PTPRM: variants seen among roughly 807,000 people sequenced by gnomAD.
The protein encoded by PTPRM is receptor-type tyrosine-protein phosphatase mu.
PTPRM carries 47 observed loss-of-function variants against 186.7 expected under a neutral mutation model. The ratio of observed to expected loss-of-function variants is 0.25; its 90% confidence interval spans 0.20 to 0.32. The LOEUF (loss-of-function observed/expected upper bound fraction) is 0.32. PTPRM is among the 10% of genes least tolerant of loss of function. PTPRM has a pLI of 1.00. For synonymous variants in PTPRM, 668 were observed against 674.9 expected, an observed-to-expected ratio of 0.99 and a Z score of 0.16; for missense variants, 1,494 against 1,865.0, an observed-to-expected ratio of 0.80 and a Z score of 3.66.
intron 20 of PTPRM, among the ~76,000 whole-genome samples, chr18:8,300,704 G>T (rs955996507): frequency 6.6e-6 from 1 of 152,026 alleles, no homozygotes; most frequent in Non-Finnish European, 1.5e-5. Flanking sequence ...ACGTTTTCTA[G>T]CCCCCACCGC....
chr18:7,920,879 T>A (rs1442805536), intron 4 of PTPRM, among the ~76,000 whole-genome samples: 1 of 152,216 alleles, frequency 6.6e-6, no homozygotes, highest in Admixed American at 6.5e-5. Context: ...TGCAGTATTC[T>A]TGGATGGCAA....
At chr18:8,213,915 A>G (rs1256349958) in intron 14 of PTPRM, among the ~76,000 whole-genome samples, 1 of 152,210 alleles carries the variant, frequency 6.6e-6, no homozygotes, top group Non-Finnish European at 1.5e-5. Flanking sequence ...TATACCATGG[A>G]CTACTACTCA....
chr18:8,354,733 G>A (rs1380428641), intron 23 of PTPRM, among the ~76,000 whole-genome samples: 3 of 152,194 alleles, frequency 2.0e-5, no homozygotes, highest in South Asian at 2.1e-4. Context: ...AGTGCCCCCC[G>A]TTAGCACTGG....
intron 19 of PTPRM, among the ~76,000 whole-genome samples, chr18:8,255,550 C>T (rs1261207693): frequency 1.3e-5 from 2 of 152,030 alleles, no homozygotes; most frequent in African/African-American, 2.4e-5. Flanking sequence ...AACTTTTTCT[C>T]ATTTTAGCTA....
intron 1 of PTPRM, among the ~76,000 whole-genome samples, chr18:7,625,978 G>A (rs958585278): frequency 5.3e-5 from 8 of 152,180 alleles, no homozygotes; most frequent in Non-Finnish European, 8.8e-5. Context: ...GCATCCAGCT[G>A]AAACAGCCGT....
At position 7,650,667 on chromosome 18, in the gene PTPRM, T is replaced by C. The variant is rs188019875; in HGVS notation, c.73+82776T>C. 2.6e-5 allele frequency among the ~76,000 whole-genome samples: 4 copies of C among 152,264 alleles called. No individual in the cohort carries two copies. In the East Asian group the frequency reaches 7.7e-4, roughly 29 times the overall value. Reference sequence around the variant, plus strand: ...TCTTATAGGCACTATCACAGTGATATAGAGATTCATGATGCAGACTGTACC... The same window carrying C: ...TCTTATAGGCACTATCACAGTGATACAGAGATTCATGATGCAGACTGTACC... On this transcript the variant is annotated intron_variant, in intron 1 of 32. Coordinates refer to ENST00000580170, the MANE Select transcript of PTPRM (RefSeq NM_001105244.2).
chr18:7,802,223 T>C (rs917387929), intron 2 of PTPRM, among the ~76,000 whole-genome samples: 5 of 152,176 alleles, frequency 3.3e-5, no homozygotes, highest in African/African-American at 1.2e-4. Flanking sequence ...ACCTTCTGAC[T>C]CTGTTTGCTC....
chr18:8,249,247 G>A (rs1210586983), intron 17 of PTPRM, among the ~76,000 whole-genome samples: 1 of 152,050 alleles, frequency 6.6e-6, no homozygotes, highest in South Asian at 2.1e-4. Flanking sequence ...TTTTTGTATA[G>A]AAGGTAATTT....
intron 1 of PTPRM, among the ~76,000 whole-genome samples, chr18:7,574,878 A>C (rs2036647387): frequency 1.3e-5 from 2 of 152,168 alleles, no homozygotes; most frequent in Non-Finnish European, 2.9e-5. Context: ...AAAAATACAA[A>C]AAAATTAGCC....
intron 1 of PTPRM, among the ~76,000 whole-genome samples, chr18:7,686,644 A>G (rs2039609115): frequency 6.6e-6 from 1 of 152,004 alleles, no homozygotes. Context: ...ATGTTCACTG[A>G]TTATTTATTT....
chr18:7,827,167 G>A, intron 2 of PTPRM, among the ~76,000 whole-genome samples: 1 of 152,144 alleles, frequency 6.6e-6, no homozygotes, highest in South Asian at 2.1e-4. Flanking sequence ...GTTTGCTTTG[G>A]AGCAAAGTAA....
chr18:7,820,002 T>A (rs1461702689), intron 2 of PTPRM, among the ~76,000 whole-genome samples: 1 of 152,214 alleles, frequency 6.6e-6, no homozygotes, highest in Admixed American at 6.5e-5. Flanking sequence ...CATGTTAATT[T>A]GTGAAGTCAC....
chr18:8,201,352 T>C (rs759049915), intron 14 of PTPRM, among the ~76,000 whole-genome samples: 167 of 152,294 alleles, frequency 1.1e-3, no homozygotes, highest in Non-Finnish European at 2.0e-3. Context: ...AACTAAAATA[T>C]AATCTTCGGT....
chr18:7,845,919 C>G (rs1053920271), intron 2 of PTPRM, among the ~76,000 whole-genome samples: 2 of 152,032 alleles, frequency 1.3e-5, no homozygotes, highest in African/African-American at 4.8e-5. Context: ...CCCCCTCTGC[C>G]CAATCCTGTA....
intron 14 of PTPRM, among the ~76,000 whole-genome samples, chr18:8,215,545 C>CTTT (rs11334182): frequency 2.2e-4 from 26 of 116,330 alleles, no homozygotes; most frequent in East Asian, 5.2e-4. Context: ...TCTTTCTTTT[C>CTTT]TTTTTTTTTT....
At chr18:8,176,242 T>C (rs1019285962) in intron 14 of PTPRM, among the ~76,000 whole-genome samples, 27 of 151,940 alleles carry the variant, frequency 1.8e-4, no homozygotes, top group African/African-American at 5.3e-4. Flanking sequence ...CAGTTAGACA[T>C]AATATCGAAG....
intron 2 of PTPRM, among the ~76,000 whole-genome samples, chr18:7,847,186 T>TG (rs397858149): frequency 1.3e-5 from 2 of 150,216 alleles, no homozygotes; most frequent in Non-Finnish European, 3.0e-5. Context: ...TTTTTTTTTT[T>TG]GACAGAGTAT....
At chr18:7,833,743 AAACAAC>A (rs150303636) in intron 2 of PTPRM, among the ~76,000 whole-genome samples, 4,945 of 149,702 alleles carry the variant, frequency 0.033, 253 homozygotes, top group African/African-American at 0.1. Context: ...TCAGAAAGAA[AAACAAC>A]AACAACAACA....
chr18:8,163,929 G>C (rs1307539392), intron 14 of PTPRM, among the ~76,000 whole-genome samples: 1 of 152,186 alleles, frequency 6.6e-6, no homozygotes, highest in Non-Finnish European at 1.5e-5. Flanking sequence ...GAGGACACTA[G>C]CAATCATTTC....
Sources: gnomAD v4.1 joint callset for allele counts (sites outside exome capture counted in the v4.1 genomes callset) on GRCh38, gnomAD v4.1.1 for gene constraint, MANE v1.5 for transcripts, NCBI Gene and HGNC (gene_info 2026-07-23, HGNC 2026-07-21) for gene names.